FOXP2: variants seen among roughly 807,000 people sequenced by gnomAD.
FOXP2 encodes the protein forkhead box protein P2.
FOXP2 carries 12 observed loss-of-function variants against 115.8 expected under a neutral mutation model. The ratio of observed to expected loss-of-function variants is 0.10; its 90% CI spans 0.07 to 0.17. FOXP2 has a LOEUF of 0.17. FOXP2 is among the 10% of genes least tolerant of loss of function. The probability of loss-of-function intolerance (pLI) is 1.00; values close to 1 mark genes in which losing one functional copy is unlikely to be tolerated. For missense variants in FOXP2, 629 were observed against 843.5 expected, an observed-to-expected ratio of 0.75 and a Z score of 3.15; for synonymous variants, 328 against 297.7, an observed-to-expected ratio of 1.10 and a Z score of -1.05.
intron 3 of FOXP2, among the ~76,000 whole-genome samples, chr7:114,588,250 T>C (rs1374101277): frequency 6.6e-6 from 1 of 151,872 alleles, no homozygotes; most frequent in South Asian, 2.1e-4. Flanking sequence ...GAGGTTGCCG[T>C]GAGCCAAGAT....
intron 16 of FOXP2, among the ~76,000 whole-genome samples, chr7:114,689,144 T>C (rs1210808850): frequency 1.3e-5 from 2 of 152,178 alleles, no homozygotes; most frequent in Non-Finnish European, 2.9e-5. Flanking sequence ...TTGCTGTGGC[T>C]GGTGTATTCA....
chr7:114,168,508 T>C (rs1325069069), intron 1 of FOXP2, among the ~76,000 whole-genome samples: 2 of 152,146 alleles, frequency 1.3e-5, no homozygotes, highest in Non-Finnish European at 2.9e-5. Flanking sequence ...TTAAGATATC[T>C]AGCAGAAGAA....
intron 1 of FOXP2, among the ~76,000 whole-genome samples, chr7:114,183,815 C>T (rs1229064989): frequency 6.6e-6 from 1 of 152,016 alleles, no homozygotes; most frequent in Non-Finnish European, 1.5e-5. Context: ...TTTAGGTTTA[C>T]GAAAACCCCC....
intron 1 of FOXP2, among the ~76,000 whole-genome samples, chr7:114,156,156 G>T (rs1279973367): frequency 6.6e-6 from 1 of 152,124 alleles, no homozygotes; most frequent in African/African-American, 2.4e-5. Flanking sequence ...TCCAGAAGCT[G>T]CTGATCACCA....
chr7:114,286,759 G>A lies in FOXP2; in HGVS notation c.-101-1260G>A, dbSNP rs116756550. On this transcript the variant is annotated intron_variant, in intron 1 of 17. Coordinates refer to the FOXP2 transcript ENST00000634411. ...TTACAATTCACTAAACAGTGGTTTCGGATTATGCTCTGTAGAATACCTAAT... is the reference window on the plus strand; with the variant it reads ...TTACAATTCACTAAACAGTGGTTTCAGATTATGCTCTGTAGAATACCTAAT... 4.8e-3 allele frequency among the ~76,000 whole-genome samples: 728 copies of A among 151,990 alleles called. 10 individuals are homozygous for A. Among genetic ancestry groups the A allele is most frequent in the African/African-American group, 0.016 (681 of 41,516 alleles).
intron 1 of FOXP2, among the ~76,000 whole-genome samples, chr7:114,147,338 G>T (rs1792399289): frequency 6.6e-6 from 1 of 152,094 alleles, no homozygotes; most frequent in South Asian, 2.1e-4. Context: ...CTCTTCTGCA[G>T]GTGTAAACAC....
chr7:114,183,517 C>G (rs1793510856), intron 1 of FOXP2, among the ~76,000 whole-genome samples: 1 of 152,094 alleles, frequency 6.6e-6, no homozygotes, highest in Admixed American at 6.6e-5. Context: ...TTTCATCTGG[C>G]ATGTCAAGAC....
At chr7:114,245,014 G>C (rs1323530346) in intron 1 of FOXP2, among the ~76,000 whole-genome samples, 1 of 152,230 alleles carries the variant, frequency 6.6e-6, no homozygotes, top group East Asian at 1.9e-4. Context: ...CGCCCGCCTC[G>C]GCCTCCCAAA....
intron 2 of FOXP2, among the ~76,000 whole-genome samples, chr7:114,507,874 G>C (rs924658452): frequency 6.6e-6 from 1 of 151,886 alleles, no homozygotes; most frequent in Non-Finnish European, 1.5e-5. Context: ...ATGTTTGTTA[G>C]TAAGGAAGAA....
At chr7:114,138,340 A>G (rs140382399) in intron 1 of FOXP2, among the ~76,000 whole-genome samples, 12 of 151,924 alleles carry the variant, frequency 7.9e-5, no homozygotes, top group African/African-American at 2.9e-4. Context: ...TATCCTGTTC[A>G]TAGTATATAT....
chr7:114,689,673 A>G, intron 16 of FOXP2, 109 bp from the exon 17 acceptor site: 1 of 1,076,294 alleles, frequency 9.3e-7, no homozygotes, highest in Middle Eastern at 2.1e-4. Context: ...TAAGAAAGAC[A>G]ATGTTGTGTC....
At chr7:114,444,035 A>T (rs534731886) in intron 2 of FOXP2, among the ~76,000 whole-genome samples, 34 of 152,270 alleles carry the variant, frequency 2.2e-4, no homozygotes, top group Non-Finnish European at 4.3e-4. Context: ...TTACATTGCC[A>T]CCATACATTT....
At chr7:114,592,138 A>T (rs1053317380) in intron 3 of FOXP2, among the ~76,000 whole-genome samples, 5 of 152,214 alleles carry the variant, frequency 3.3e-5, no homozygotes, top group African/African-American at 1.2e-4. Context: ...ACATTTCTCT[A>T]CATTAAAAAT....
At chr7:114,413,191 A>T (rs1409696567), upstream of FOXP2, among the ~76,000 whole-genome samples, 1 of 152,112 alleles carries the variant, frequency 6.6e-6, no homozygotes, top group Non-Finnish European at 1.5e-5. Context: ...GGAGTACATA[A>T]AGTCATTTGT....
intron 2 of FOXP2, among the ~76,000 whole-genome samples, chr7:114,491,904 A>G (rs960106957): frequency 1.4e-4 from 21 of 152,210 alleles, no homozygotes; most frequent in African/African-American, 4.6e-4. Flanking sequence ...AGGCTTTGGT[A>G]TCAGGATGAT....
At chr7:114,434,659 GAGC>G (rs998192284) in intron 2 of FOXP2, among the ~76,000 whole-genome samples, 2 of 151,698 alleles carry the variant, frequency 1.3e-5, no homozygotes, top group Non-Finnish European at 2.9e-5. Flanking sequence ...TCTTATAGTC[GAGC>G]AGCCTGTTTC....
chr7:114,662,264 G>A (rs1585005438), intron 14 of FOXP2, 78 bp downstream of exon 14: 2 of 1,590,048 alleles, frequency 1.3e-6, no homozygotes, highest in East Asian at 2.3e-5. Flanking sequence ...GGGCTGGGGT[G>A]GGGAGACAGT....
intron 1 of FOXP2, among the ~76,000 whole-genome samples, chr7:114,263,807 A>G (rs1169796259): frequency 6.6e-6 from 1 of 151,662 alleles, no homozygotes; most frequent in Admixed American, 6.6e-5. Flanking sequence ...TAACAGTTAT[A>G]CTGGTATACA....
Position 114,581,075 on chromosome 7 carries a change from GCACA to G in FOXP2, c.258+46398_258+46401del, listed in dbSNP as rs3028257. Reference sequence around the variant, plus strand: ...AGAAGATACACTCACATAAACACATGCACACACACACACACACACACACACACAC... The same window carrying G: ...AGAAGATACACTCACATAAACACATGCACACACACACACACACACACACAC... On this transcript the variant is annotated intron_variant, in intron 3 of 16. Transcript: ENST00000350908. Among the ~76,000 whole-genome samples, 282 of 144,764 alleles carry G rather than the reference GCACA, an allele frequency of 1.9e-3. 1 individual carries two copies. Among genetic ancestry groups the G allele is most frequent in the African/African-American group, 5.5e-3 (214 of 39,052 alleles). 95.0% of individuals were successfully genotyped at this position (144,764 alleles called of 152,430 possible).
Sources: gnomAD v4.1 joint callset for allele counts (sites outside exome capture counted in the v4.1 genomes callset) on GRCh38, gnomAD v4.1.1 for gene constraint, MANE v1.5 for transcripts, NCBI Gene and HGNC (gene_info 2026-07-23, HGNC 2026-07-21) for gene names.